KIZ: variants seen among roughly 807,000 people sequenced by gnomAD.
The protein encoded by KIZ is kizuna centrosomal protein.
A neutral mutation model predicts 79.6 loss-of-function variants in KIZ; 68 were observed. The observed-to-expected ratio is 0.85, with a 90% CI of 0.70 to 1.05. The LOEUF (loss-of-function observed/expected upper bound fraction) is 1.05, where lower values mean the gene tolerates loss of function less well. KIZ is among the 50% of genes least tolerant of loss of function. The probability of loss-of-function intolerance (pLI) is 0.00; values close to 1 mark genes in which losing one functional copy is unlikely to be tolerated. For synonymous variants in KIZ, 280 were observed against 281.8 expected, an observed-to-expected ratio of 0.99 and a Z score of 0.06; for missense variants, 797 against 800.4, an observed-to-expected ratio of 1.00 and a Z score of 0.05.
At chr20:21,246,006 A>G (rs2037374705) in intron 12 of KIZ, 1 of 155,700 alleles carries the variant, frequency 6.4e-6, no homozygotes, top group Non-Finnish European at 1.4e-5. Flanking sequence ...ATCACCTCTC[A>G]AGTAAATGAT....
intron 4 of KIZ, among the ~76,000 whole-genome samples, chr20:21,158,012 C>T (rs2033466446): frequency 6.6e-6 from 1 of 152,190 alleles, no homozygotes; most frequent in Non-Finnish European, 1.5e-5. Context: ...CCTTTTAGCC[C>T]TGCTAAAGTC....
chr20:21,140,660 G>A (rs1273925191), intron 3 of KIZ, among the ~76,000 whole-genome samples: 4 of 151,988 alleles, frequency 2.6e-5, no homozygotes, highest in South Asian at 4.2e-4. Context: ...TTGGATAAAG[G>A]GGCTGAATAA....
intron 7 of KIZ, among the ~76,000 whole-genome samples, chr20:21,211,127 T>C (rs1006094468): frequency 6.6e-6 from 1 of 152,242 alleles, no homozygotes; most frequent in Non-Finnish European, 1.5e-5. Flanking sequence ...CGTAAGTTTT[T>C]GGATATAATT....
intron 4 of KIZ, chr20:21,158,359 T>C (rs1000484516): frequency 6.6e-6 from 1 of 152,188 alleles, no homozygotes; most frequent in Admixed American, 6.5e-5. Context: ...TAAGGCAGGC[T>C]TGACCCAGCA....
chr20:21,237,550 G>C (rs1448733631), intron 11 of KIZ, among the ~76,000 whole-genome samples: 1 of 152,026 alleles, frequency 6.6e-6, no homozygotes, highest in East Asian at 1.9e-4. Flanking sequence ...TTGTCCCCCT[G>C]CTGAAGAACA....
At chr20:21,229,157 C>T (rs777867268) in intron 10 of KIZ, 42 bp downstream of exon 10, 2 of 1,159,602 alleles carry the variant, frequency 1.7e-6, no homozygotes, top group Non-Finnish European at 2.6e-6. Context: ...CCCAGAGTGG[C>T]AGGCAGGGCT....
chr20:21,172,847 T>A (rs994541463), intron 6 of KIZ, among the ~76,000 whole-genome samples: 8 of 152,180 alleles, frequency 5.3e-5, no homozygotes, highest in Non-Finnish European at 1.2e-4. Context: ...AGTTTATACT[T>A]CTTCTCTCCT....
chr20:21,169,310 CA>C (rs1175392603), intron 6 of KIZ, among the ~76,000 whole-genome samples: 1 of 151,616 alleles, frequency 6.6e-6, no homozygotes, highest in African/African-American at 2.4e-5. Context: ...TTTATGCAGC[CA>C]AAAGACACAT....
At position 21,246,535 on chromosome 20, in the gene KIZ, A is replaced by G. The variant is rs748089343; in HGVS notation, c.1981A>G (p.Arg661Gly). The G allele has an allele frequency of 2.5e-6, 4 of 1,611,882 alleles. No individual in the cohort carries two copies. The highest frequency in any genetic ancestry group is 1.3e-5 in the African/African-American group (1 of 74,898). ...NSEIEAALRP[R>G]NHNTDDSDDF... ...AGAAATTGAGGCTGCTTTACGCCCC[A>G]GAAACCATAACACCGATGATTCTGA... The change falls in exon 13 of 13, where the codon AGA becomes GGA. Residue 661 changes from arginine to glycine, a missense_variant. By Grantham distance (125) the Arg-to-Gly change is moderately radical (BLOSUM62 -2). Transcript: ENST00000619189.
rs34305929 is a variant in KIZ, at chr20:21,162,163, G to A, written c.698G>A (p.Gly233Asp). 6.4e-4 allele frequency: 1,031 copies of A among 1,611,130 alleles called. 9 individuals are homozygous for A. In the African/African-American group the frequency reaches 0.012, roughly 19 times the overall value. ...GATGGAAAGGCATCTCTTCAGATTG[G>A]TGAGAAAATGCCAGTCACAGCCAGT... ...NIDGKASLQIGEKMPVTASVL... is the reference protein window; with the variant it reads ...NIDGKASLQIDEKMPVTASVL... Residue 233 changes from glycine to aspartate, a missense_variant, in exon 5 of 13, where the codon GGT (glycine) becomes GAT (aspartate). Physicochemically the swap from Gly to Asp is moderately conservative, Grantham distance 94 (BLOSUM62 -1). Coordinates refer to ENST00000619189, the MANE Select transcript of KIZ (RefSeq NM_018474.6).
chr20:21,196,438 C>T (rs926182699), intron 6 of KIZ: 2 of 152,260 alleles, frequency 1.3e-5, no homozygotes, highest in African/African-American at 4.8e-5. Flanking sequence ...TGCCCTATAC[C>T]TCTCACCGTT....
chr20:21,126,207 A>G lies in KIZ; in HGVS notation c.89+3A>G. ...CTCCAGCACGGGCTGCGGGACAGGT[A>G]AGGGCACTGGGGCGGGGGTGGGGAG... On this transcript the variant is annotated splice_donor_region_variant and intron_variant, in intron 1 of 12. Coordinates refer to ENST00000619189, the MANE Select transcript of KIZ (RefSeq NM_018474.6). The G allele has an allele frequency of 6.9e-7, 1 of 1,457,084 alleles. No individual in the cohort carries two copies. The highest frequency in any genetic ancestry group is 2.4e-5 in the Admixed American group (1 of 41,050). 90.3% of individuals were successfully genotyped at this position (1,457,084 alleles called of 1,614,324 possible).
intron 4 of KIZ, 58 bp from the exon 5 acceptor site, chr20:21,161,813 A>AC (rs11482592): frequency 0.42 from 454,000 of 1,070,796 alleles, 62,609 homozygotes; most frequent in Middle Eastern, 0.52. Flanking sequence ...AAAAAAAAAA[A>AC]CCCCACCTAA....
intron 6 of KIZ, among the ~76,000 whole-genome samples, chr20:21,166,801 C>G (rs1252625195): frequency 6.6e-6 from 1 of 152,136 alleles, no homozygotes; most frequent in Non-Finnish European, 1.5e-5. Context: ...CTATGTTGGC[C>G]AGGCTGGTCT....
At chr20:21,211,839 G>A (rs1268863159) in intron 7 of KIZ, among the ~76,000 whole-genome samples, 3 of 152,130 alleles carry the variant, frequency 2.0e-5, no homozygotes, top group Admixed American at 6.5e-5. Flanking sequence ...CTATAATCCC[G>A]GCACTTTGGG....
At chr20:21,171,754 A>G (rs191624759) in intron 6 of KIZ, among the ~76,000 whole-genome samples, 4 of 152,306 alleles carry the variant, frequency 2.6e-5, no homozygotes, top group Admixed American at 2.6e-4. Flanking sequence ...CTTTTGCTAT[A>G]TGACTTTCGA....
At chr20:21,238,958 C>G (rs938825561) in intron 11 of KIZ, among the ~76,000 whole-genome samples, 1 of 152,220 alleles carries the variant, frequency 6.6e-6, no homozygotes, top group African/African-American at 2.4e-5. Flanking sequence ...CCTCCCATTC[C>G]TTGACCCCTG....
In KIZ at chr20:21,185,029, C is replaced by T. The variant is rs117639065; in HGVS notation, c.1353-20462C>T. Among the ~76,000 whole-genome samples, 16 of 150,402 alleles carry T rather than the reference C, an allele frequency of 1.1e-4. No homozygotes were observed. The East Asian group carries it at 3.1e-3, about 29-fold the overall frequency. On this transcript the variant is annotated intron_variant, in intron 6 of 12. Transcript: ENST00000619189. ...CTGCATTCCAGCCCAGGCAACAGAG[C>T]AAGACCCTGTCTCAAGGAAAGGAAA...
chr20:21,159,882 G>A (rs866679964), intron 4 of KIZ, among the ~76,000 whole-genome samples: 2 of 152,156 alleles, frequency 1.3e-5, no homozygotes, highest in African/African-American at 4.8e-5. Flanking sequence ...GCCTAGATAT[G>A]GAATTGCTGG....
Sources: allele counts gnomAD v4.1 joint callset (sites outside exome capture counted in the v4.1 genomes callset), GRCh38; gene constraint gnomAD v4.1.1; transcripts MANE v1.5; gene names NCBI Gene and HGNC (gene_info 2026-07-23, HGNC 2026-07-21).